SLC44A5: variants seen among roughly 807,000 people sequenced by gnomAD.
The protein encoded by SLC44A5 is solute carrier family 44 member 5.
Under a neutral mutation model 101.8 loss-of-function variants are expected in SLC44A5, and 57 were observed. That is an observed-to-expected ratio of 0.56 (90% CI 0.45 to 0.70). The LOEUF is 0.70. Among genes scored for constraint, SLC44A5 ranks in the 30% least tolerant of loss-of-function variants. The pLI is 0.00. For missense variants in SLC44A5, 737 were observed against 853.1 expected (o/e 0.86, Z 1.70); for synonymous variants, 281 against 290.9 (o/e 0.97, Z 0.35).
chr1:75,215,624 C>T, intron 19 of SLC44A5, 130 bp downstream of exon 19: 2 of 577,084 alleles, frequency 3.5e-6, no homozygotes, highest in Non-Finnish European at 6.3e-6. Flanking sequence ...GCATTGGATT[C>T]ACAGGCCTTA....
intron 4 of SLC44A5, among the ~76,000 whole-genome samples, chr1:75,301,454 G>C (rs554848550): frequency 8.5e-5 from 13 of 152,272 alleles, no homozygotes; most frequent in African/African-American, 2.9e-4. Flanking sequence ...CAGCAATACT[G>C]TCATTCTTTA....
intron 1 of SLC44A5, among the ~76,000 whole-genome samples, chr1:75,547,191 G>GA (rs1447554292): frequency 1.3e-5 from 2 of 152,070 alleles, no homozygotes; most frequent in South Asian, 2.1e-4. Context: ...AATTTCCAAG[G>GA]AAAAAAATTC....
the SLC44A5 span, among the ~76,000 whole-genome samples, chr1:75,637,892 C>T: frequency 6.6e-6 from 1 of 151,876 alleles, no homozygotes; most frequent in Non-Finnish European, 1.5e-5. Flanking sequence ...TTAGCCTCTT[C>T]CAAAAAGATA....
At chr1:75,383,935 A>C (rs1481647130) in intron 3 of SLC44A5, among the ~76,000 whole-genome samples, 2 of 151,880 alleles carry the variant, frequency 1.3e-5, no homozygotes, top group African/African-American at 4.8e-5. Context: ...GTCAACCCAG[A>C]ATTTCATATC....
Position 75,512,770 on chromosome 1 carries a change from C to G in SLC44A5, c.13+28665G>C, listed in dbSNP as rs369387876. 8.0e-4 allele frequency among the ~76,000 whole-genome samples: 122 copies of G among 152,202 alleles called. 2 individuals are homozygous for G. The South Asian group carries it at 0.025, about 31-fold the overall frequency. ...GTTGGTAAGATTCTCCTGAGGAAGG[C>G]TGATGCAGAGCTAACTAGCCAAAGA... On this transcript the variant is annotated intron_variant, in intron 2 of 23. Transcript: ENST00000370859.
chr1:75,565,375 C>T (rs950829266), intron 1 of SLC44A5, among the ~76,000 whole-genome samples: 2 of 152,220 alleles, frequency 1.3e-5, no homozygotes, highest in South Asian at 2.1e-4. Context: ...CTTGGTAAAA[C>T]GAAAAATTCA....
intron 2 of SLC44A5, among the ~76,000 whole-genome samples, chr1:75,476,797 C>T (rs1396519356): frequency 6.6e-6 from 1 of 152,246 alleles, no homozygotes; most frequent in African/African-American, 2.4e-5. Context: ...GCCTGCCTGC[C>T]TCTGTAGGCT....
chr1:75,205,666 G>A (rs1014341754), intron 23 of SLC44A5: 1 of 152,172 alleles, frequency 6.6e-6, no homozygotes, highest in African/African-American at 2.4e-5. Context: ...AAAATCTGAA[G>A]TGTCTTTCTT....
chr1:75,512,167 A>G (rs923671508), intron 2 of SLC44A5, among the ~76,000 whole-genome samples: 1 of 152,242 alleles, frequency 6.6e-6, no homozygotes, highest in Non-Finnish European at 1.5e-5. Context: ...ATCTACTTTA[A>G]GGAATTATTT....
chr1:75,369,449 G>A (rs1191755326), intron 3 of SLC44A5, among the ~76,000 whole-genome samples: 1 of 152,000 alleles, frequency 6.6e-6, no homozygotes, highest in Non-Finnish European at 1.5e-5. Context: ...GAGTTCCTGA[G>A]GTGAGGAGAA....
intron 6 of SLC44A5, among the ~76,000 whole-genome samples, chr1:75,271,497 T>TTGTGTGTGTGTGTGTGTG (rs4035634): frequency 6.8e-6 from 1 of 146,304 alleles, no homozygotes; most frequent in Admixed American, 6.9e-5. Flanking sequence ...TCTGCATGTT[T>TTGTGTGTGTGTGTGTGTG]TGTGTGTGTG....
At chr1:75,609,806 G>A (rs938206335) in intron 1 of SLC44A5, among the ~76,000 whole-genome samples, 9 of 152,034 alleles carry the variant, frequency 5.9e-5, no homozygotes, top group African/African-American at 2.2e-4. Context: ...CAAAAATAAT[G>A]AACCACAGGT....
intron 2 of SLC44A5, among the ~76,000 whole-genome samples, chr1:75,439,460 G>A (rs200343290): frequency 6.6e-6 from 1 of 152,240 alleles, no homozygotes; most frequent in East Asian, 1.9e-4. Context: ...GTGCATGCCT[G>A]TAATCCAAGC....
intron 2 of SLC44A5, among the ~76,000 whole-genome samples, chr1:75,448,866 A>G (rs983384717): frequency 1.3e-5 from 2 of 152,130 alleles, no homozygotes; most frequent in Admixed American, 6.6e-5. Context: ...CAAGAACTCT[A>G]AAGTCCTACA....
At chr1:75,231,741 G>A (rs1647591038) in intron 12 of SLC44A5, among the ~76,000 whole-genome samples, 1 of 152,058 alleles carries the variant, frequency 6.6e-6, no homozygotes, top group Non-Finnish European at 1.5e-5. Context: ...TGCTTGCAGA[G>A]GATCATACAG....
the SLC44A5 span, among the ~76,000 whole-genome samples, chr1:75,671,068 C>T: frequency 2.0e-5 from 3 of 152,240 alleles, no homozygotes; most frequent in South Asian, 6.2e-4. Context: ...CAAAGACTTT[C>T]CTATGGTTTT....
chr1:75,608,429 T>C (rs749007425), intron 1 of SLC44A5, among the ~76,000 whole-genome samples: 4 of 151,868 alleles, frequency 2.6e-5, no homozygotes, highest in Non-Finnish European at 5.9e-5. Flanking sequence ...AAAGATTCCT[T>C]ACTAGTCTTC....
intron 2 of SLC44A5, among the ~76,000 whole-genome samples, chr1:75,519,378 C>A (rs1214599361): frequency 6.6e-6 from 1 of 151,998 alleles, no homozygotes; most frequent in African/African-American, 2.4e-5. Context: ...GCCAACATGG[C>A]AAAACCTCGT....
chr1:75,671,971 G>A, the SLC44A5 span, among the ~76,000 whole-genome samples: 1 of 152,120 alleles, frequency 6.6e-6, no homozygotes, highest in African/African-American at 2.4e-5. Context: ...TTCCAACTTG[G>A]AGGACGTAGA....
Sources: allele counts gnomAD v4.1 joint callset (sites outside exome capture counted in the v4.1 genomes callset), GRCh38; gene constraint gnomAD v4.1.1; transcripts MANE v1.5; gene names NCBI Gene and HGNC (gene_info 2026-07-23, HGNC 2026-07-21).